C12orf42: variants seen among roughly 807,000 people sequenced by gnomAD.
The protein encoded by C12orf42 is uncharacterized protein C12orf42.
In C12orf42, 25 loss-of-function variants were observed where a neutral mutation model predicts 21.6. The observed-to-expected ratio is 1.16, with a 90% CI of 0.84 to 1.62. The LOEUF (loss-of-function observed/expected upper bound fraction) is 1.62, where lower values mean the gene tolerates loss of function less well. C12orf42 is among the 40% of genes most tolerant of loss of function. The pLI is 0.00. For synonymous variants in C12orf42, 174 were observed against 175.0 expected, an observed-to-expected ratio of 0.99 and a Z score of 0.05; for missense variants, 483 against 459.3, an observed-to-expected ratio of 1.05 and a Z score of -0.47.
chr12:103,200,401 T>C, the C12orf42 span, among the ~76,000 whole-genome samples: 1,677 of 152,250 alleles, frequency 0.011, 29 homozygotes, highest in African/African-American at 0.038. Flanking sequence ...ATTACAGAGA[T>C]TTACTGTATA....
chr12:103,171,592 T>C, the C12orf42 span, among the ~76,000 whole-genome samples: 1 of 152,012 alleles, frequency 6.6e-6, no homozygotes, highest in East Asian at 1.9e-4. Flanking sequence ...AAGAATAGTA[T>C]TTTTAATAAA....
At chr12:103,521,365 A>T in the C12orf42 span, among the ~76,000 whole-genome samples, 1 of 152,322 alleles carries the variant, frequency 6.6e-6, no homozygotes, top group South Asian at 2.1e-4. Context: ...AAAAAGCGAG[A>T]TCATGTCCTT....
intron 6 of C12orf42, among the ~76,000 whole-genome samples, chr12:103,269,346 G>T (rs1032354869): frequency 6.6e-6 from 1 of 152,086 alleles, no homozygotes; most frequent in Admixed American, 6.6e-5. Flanking sequence ...GGGAGCACCT[G>T]GGCTCAACTC....
At chr12:103,156,315 G>C in the C12orf42 span, 10 of 152,146 alleles carry the variant, frequency 6.6e-5, no homozygotes, top group African/African-American at 2.4e-4. Flanking sequence ...TCAAGATGGT[G>C]GTTGCATTTG....
chr12:103,525,396 T>C, the C12orf42 span, among the ~76,000 whole-genome samples: 1 of 152,258 alleles, frequency 6.6e-6, no homozygotes, highest in South Asian at 2.1e-4. Context: ...TTAGCTCCTT[T>C]AGGAATCCAT....
At chr12:103,410,190 C>T (rs1448005169) in intron 2 of C12orf42, among the ~76,000 whole-genome samples, 1 of 152,208 alleles carries the variant, frequency 6.6e-6, no homozygotes, top group Non-Finnish European at 1.5e-5. Context: ...TCAAACTCAA[C>T]TGTTTCTTGC....
chr12:103,144,898 G>T, the C12orf42 span, among the ~76,000 whole-genome samples: 33 of 152,266 alleles, frequency 2.2e-4, no homozygotes, highest in African/African-American at 7.9e-4. Context: ...ATTGCTGCTT[G>T]AGAGGCATAA....
At chr12:103,444,344 G>A (rs1951446688) in intron 2 of C12orf42, among the ~76,000 whole-genome samples, 1 of 151,928 alleles carries the variant, frequency 6.6e-6, no homozygotes, top group Non-Finnish European at 1.5e-5. Context: ...TTAGTTCTTA[G>A]TTTGTAACTT....
At chr12:103,367,593 C>T (rs1337339722) in intron 4 of C12orf42, among the ~76,000 whole-genome samples, 4 of 151,832 alleles carry the variant, frequency 2.6e-5, no homozygotes, top group Admixed American at 6.6e-5. Context: ...CTTTCATTTG[C>T]TCATAAACAC....
At position 103,401,445 on chromosome 12, in the gene C12orf42, G is replaced by A. The variant is rs572788611; in HGVS notation, c.147+162C>T. On this transcript the variant is annotated intron_variant, in intron 3 of 5. Coordinates refer to ENST00000548883, the MANE Select transcript of C12orf42 (RefSeq NM_198521.5). The stretch of plus-strand genomic sequence containing the variant: ...TCAAACAGAGATCCAAAGTTTTCTA[G>A]GAAATGTCTTTTAACATTCTTCTTA... 3.3e-5 allele frequency among the ~76,000 whole-genome samples: 5 copies of A among 152,198 alleles called. No homozygotes were observed. The East Asian group carries it at 9.6e-4, about 29-fold the overall frequency.
chr12:103,306,233 A>T lies in C12orf42; in HGVS notation c.372T>A (p.Tyr124Ter). 3 of 1,613,942 alleles carry T rather than the reference A, an allele frequency of 1.9e-6. No homozygotes were observed. The highest frequency in any genetic ancestry group is 2.5e-6 in the Non-Finnish European group (3 of 1,179,874). The change falls in exon 5 of 6, where the codon TAT becomes TAA. Residue 124 changes from tyrosine (Y) to a stop codon, truncating the protein, a stop_gained. Coordinates refer to ENST00000548883, the MANE Select transcript of C12orf42 (RefSeq NM_198521.5). LOFTEE classifies it high-confidence loss of function. The part of the protein sequence containing the change: ...VSTVSFDEES[Y>*]EEFRSSPAPS... ...GTGCTGGAGAGGAACGGAATTCTTC[A>T]TAGCTTTCTTCATCAAAAGAAACTG... is the stretch of plus-strand genomic sequence containing the variant.
At chr12:103,439,648 CA>C (rs1279109869) in intron 2 of C12orf42, among the ~76,000 whole-genome samples, 72 of 150,212 alleles carry the variant, frequency 4.8e-4, no homozygotes, top group African/African-American at 1.7e-3. Flanking sequence ...CCAAAAAACA[CA>C]TGAAAAAATG....
downstream of C12orf42, among the ~76,000 whole-genome samples, chr12:103,265,761 A>T (rs906175554): frequency 6.6e-6 from 1 of 152,048 alleles, no homozygotes; most frequent in African/African-American, 2.4e-5. Flanking sequence ...AATAGAGTTC[A>T]GACACACTGC....
intron 2 of C12orf42, among the ~76,000 whole-genome samples, chr12:103,411,070 G>T (rs1221589610): frequency 2.6e-5 from 4 of 152,066 alleles, no homozygotes; most frequent in Non-Finnish European, 4.4e-5. Context: ...TTCCTTCAAG[G>T]CATGTGTACA....
intron 2 of C12orf42, among the ~76,000 whole-genome samples, chr12:103,463,026 A>C (rs2137710558): frequency 6.6e-6 from 1 of 152,350 alleles, no homozygotes; most frequent in Admixed American, 6.5e-5. Context: ...CCGCTGTATT[A>C]ATGAAACTAT....
the C12orf42 span, among the ~76,000 whole-genome samples, chr12:103,113,434 C>T: frequency 2.6e-5 from 4 of 152,212 alleles, no homozygotes; most frequent in Admixed American, 2.6e-4. Flanking sequence ...AGTTAAATAA[C>T]CCAAATATCT....
intron 1 of C12orf42, among the ~76,000 whole-genome samples, chr12:103,479,145 A>G (rs1378503863): frequency 6.6e-6 from 1 of 152,154 alleles, no homozygotes; most frequent in Admixed American, 6.5e-5. Context: ...AGGTATAGAA[A>G]GGGAAGCCTA....
chr12:103,234,828 G>C (rs922770763), downstream of C12orf42, among the ~76,000 whole-genome samples: 2 of 152,030 alleles, frequency 1.3e-5, no homozygotes, highest in African/African-American at 4.8e-5. Flanking sequence ...GCTCAGTTAT[G>C]AATTGTTCTA....
the C12orf42 span, among the ~76,000 whole-genome samples, chr12:103,228,850 A>C: frequency 1.3e-5 from 2 of 151,032 alleles, no homozygotes; most frequent in African/African-American, 4.9e-5. Context: ...AGGGTATAAG[A>C]AGCATTCTAG....
Sources: gnomAD v4.1 joint callset for allele counts (sites outside exome capture counted in the v4.1 genomes callset) on GRCh38, gnomAD v4.1.1 for gene constraint, MANE v1.5 for transcripts, NCBI Gene and HGNC (gene_info 2026-07-23, HGNC 2026-07-21) for gene names.